KLK8: variants seen among roughly 807,000 people sequenced by gnomAD.
The protein encoded by KLK8 is kallikrein-8.
In KLK8, 18 loss-of-function variants were observed where a neutral mutation model predicts 26.7. The ratio of observed to expected loss-of-function variants is 0.67; its 90% CI spans 0.47 to 1.00. The LOEUF (loss-of-function observed/expected upper bound fraction) is 1.00. Among genes scored for constraint, KLK8 ranks in the 50% least tolerant of loss-of-function variants. The probability of loss-of-function intolerance (pLI) is 0.00; values close to 1 mark genes in which losing one functional copy is unlikely to be tolerated. For synonymous variants in KLK8, 137 were observed against 127.1 expected (o/e 1.08, Z -0.52); for missense variants, 301 against 331.7 (o/e 0.91, Z 0.72).
intron 2 of KLK8, among the ~76,000 whole-genome samples, 164 bp downstream of exon 1, chr19:51,001,368 G>T (rs1203268006): frequency 3.9e-5 from 6 of 152,066 alleles, no homozygotes; most frequent in African/African-American, 1.4e-4. Context: ...GGGTCTGAGG[G>T]GACAGGGAGC....
At chr19:50,998,681 C>T (rs530266173) in intron 5 of KLK8, among the ~76,000 whole-genome samples, 10 of 152,282 alleles carry the variant, frequency 6.6e-5, no homozygotes, top group South Asian at 4.1e-4. Flanking sequence ...CTCACAACAG[C>T]GCTTTGAAGG....
chr19:50,999,326 T>G (rs1220012292), intron 5 of KLK8: 1 of 151,986 alleles, frequency 6.6e-6, no homozygotes, highest in East Asian at 1.9e-4. Context: ...ATGCTTGTAA[T>G]CCCAGCACTT....
At chr19:50,998,860 A>G (rs772796217) in intron 5 of KLK8, 2 of 152,232 alleles carry the variant, frequency 1.3e-5, no homozygotes, top group Non-Finnish European at 2.9e-5. Flanking sequence ...TTGGTTAATG[A>G]TTCCCATTTT....
At chr19:51,000,996 G>T in intron 3 of KLK8, 102 bp downstream of exon 2, 1 of 1,122,590 alleles carries the variant, frequency 8.9e-7, no homozygotes, top group Non-Finnish European at 1.3e-6. Flanking sequence ...TCACATCCGT[G>T]CACACGCACC....
intron 4 of KLK8, 24 bp downstream of exon 3, chr19:51,000,399 AC>A (rs1600125198): frequency 1.3e-6 from 2 of 1,578,828 alleles, no homozygotes; most frequent in Non-Finnish European, 8.6e-7. Context: ...GCCCCAGCTG[AC>A]CTCTGCCCCC....
chr19:51,001,576 TGGA>T (rs773013687), exon 2 of KLK8: 3 of 179,612 alleles, frequency 1.7e-5, no homozygotes. Context: ...TCGGACCCAG[TGGA>T]GGAGGCCCCA....
At chr19:51,000,310 C>A in intron 4 of KLK8, 52 bp from the exon 4 acceptor site, 1 of 1,544,822 alleles carries the variant, frequency 6.5e-7, no homozygotes, top group Non-Finnish European at 8.8e-7. Context: ...GCCCCCAGCC[C>A]CCTCCTCCTT....
chr19:50,997,782 G>A, exon 6 of KLK8: 1 of 1,614,070 alleles, frequency 6.2e-7, no homozygotes, highest in Non-Finnish European at 8.5e-7. Flanking sequence ...GCTGCTGCCT[G>A]CACAGACCAT....
exon 2 of KLK8, chr19:51,001,546 G>A (rs565995584): frequency 2.9e-4 from 58 of 201,742 alleles, no homozygotes; most frequent in African/African-American, 1.3e-3. Context: ...CAGAATCCAG[G>A]GGCGGGGTCA....
chr19:50,998,571 T>C (rs2091190881), intron 5 of KLK8, among the ~76,000 whole-genome samples: 1 of 152,186 alleles, frequency 6.6e-6, no homozygotes, highest in Non-Finnish European at 1.5e-5. Context: ...TATTAACCTC[T>C]TTTGAGGAAT....
exon 5 of KLK8, chr19:51,000,197 T>TCCA (rs751140201): frequency 6.2e-7 from 1 of 1,608,484 alleles, no homozygotes; most frequent in Non-Finnish European, 8.5e-7. Flanking sequence ...ACCACAGGTA[T>TCCA]TTCTTGCTCT....
chr19:50,997,368 T>C (rs1600121693), intron 6 of KLK8, among the ~76,000 whole-genome samples: 1 of 151,940 alleles, frequency 6.6e-6, no homozygotes, highest in Non-Finnish European at 1.5e-5. Context: ...ACCGGGCCGG[T>C]GGTAAAGTCG....
chr19:51,000,660 A>G (rs1302265154), intron 3 of KLK8, 77 bp from the exon 3 acceptor site: 14 of 1,586,944 alleles, frequency 8.8e-6, no homozygotes, highest in Non-Finnish European at 1.0e-5. Context: ...GTGGGTTCAA[A>G]TGGACACACG....
chr19:50,998,983 C>T (rs1317236079), intron 5 of KLK8: 9 of 152,196 alleles, frequency 5.9e-5, no homozygotes, highest in Non-Finnish European at 1.2e-4. Flanking sequence ...TTTCCACAGC[C>T]GCAAACTGTC....
At chr19:50,998,003 G>T in intron 5 of KLK8, 119 bp from the exon 5 acceptor site, 6 of 1,257,148 alleles carry the variant, frequency 4.8e-6, no homozygotes, top group Non-Finnish European at 5.6e-6. Flanking sequence ...CTGCATGGGG[G>T]AATTTTCTGA....
At chr19:51,001,152 G>A in exon 3 of KLK8, 3 of 1,613,382 alleles carry the variant, frequency 1.9e-6, no homozygotes, top group African/African-American at 1.3e-5. Context: ...GCCGCACGAG[G>A]TCGGGGGCGT....
intron 3 of KLK8, 175 bp from the exon 3 acceptor site, chr19:51,000,758 A>G: frequency 1.3e-6 from 2 of 1,511,996 alleles, no homozygotes; most frequent in South Asian, 2.7e-5. Flanking sequence ...ATGTGTCATC[A>G]TACAAGAGTC....
chr19:51,001,202 T>A, intron 2 of KLK8, 27 bp from the exon 2 acceptor site: 1 of 1,596,866 alleles, frequency 6.3e-7, no homozygotes, highest in Non-Finnish European at 8.5e-7. Flanking sequence ...GCGGGGCCGG[T>A]AAACAGGAAG....
At chr19:50,999,727 C>A (rs1388021643) in intron 5 of KLK8, among the ~76,000 whole-genome samples, 1 of 148,600 alleles carries the variant, frequency 6.7e-6, no homozygotes, top group African/African-American at 2.5e-5. Flanking sequence ...CCTATACAAC[C>A]AAAGGTCCCA....
Sources: allele counts gnomAD v4.1 joint callset (sites outside exome capture counted in the v4.1 genomes callset), GRCh38; gene constraint gnomAD v4.1.1; transcripts MANE v1.5; gene names NCBI Gene and HGNC (gene_info 2026-07-23, HGNC 2026-07-21).